Variants in EFR3A observed in about 807,000 individuals in gnomAD.
EFR3A encodes EFR3 homolog A.
EFR3A carries 76 observed loss-of-function variants against 104.4 expected under a neutral mutation model. That is an observed-to-expected ratio of 0.73 (90% confidence interval 0.60 to 0.88). EFR3A has a LOEUF of 0.88. EFR3A is among the 40% of genes least tolerant of loss of function. EFR3A has a pLI of 0.00. For missense variants in EFR3A, 985 were observed against 1,012.5 expected, an observed-to-expected ratio of 0.97 and a Z score of 0.37; for synonymous variants, 330 against 330.0, an observed-to-expected ratio of 1.00 and a Z score of 0.00.
rs142575698 is a variant in EFR3A at position 131,923,153 on chromosome 8, A to C, written c.11-17346A>C. ...AAAGGTAGAGATTATGCATAGGTTC[A>C]CCTCCAAGACCGGCCTGTCAATGAA... On this transcript the variant is annotated intron_variant, in intron 1 of 22. Coordinates refer to ENST00000254624, the MANE Select transcript of EFR3A (RefSeq NM_015137.6). 4.0e-3 allele frequency among the ~76,000 whole-genome samples: 604 copies of C among 152,154 alleles called. 4 individuals carry two copies. Among genetic ancestry groups the C allele is most frequent in the African/African-American group, 0.014 (582 of 41,540 alleles).
chr8:131,997,926 T>C (rs1821579952), intron 19 of EFR3A, among the ~76,000 whole-genome samples: 1 of 152,072 alleles, frequency 6.6e-6, no homozygotes, highest in Non-Finnish European at 1.5e-5. Context: ...GCATAAAGAC[T>C]CAATGTAGGG....
intron 11 of EFR3A, 47 bp from the exon 12 acceptor site, chr8:131,976,994 A>T (rs759856961): frequency 1.6e-4 from 207 of 1,283,560 alleles, no homozygotes; most frequent in South Asian, 2.3e-4. Context: ...AAATGAAGTA[A>T]TATAAATGCT....
intron 1 of EFR3A, among the ~76,000 whole-genome samples, chr8:131,907,708 C>A (rs922381132): frequency 5.9e-5 from 9 of 152,216 alleles, no homozygotes; most frequent in African/African-American, 1.9e-4. Context: ...CAAACTTGAC[C>A]TACACTTTCA....
At chr8:131,937,354 C>T (rs529905404) in intron 1 of EFR3A, among the ~76,000 whole-genome samples, 1 of 152,112 alleles carries the variant, frequency 6.6e-6, no homozygotes, top group Non-Finnish European at 1.5e-5. Context: ...TTCCTGTTCA[C>T]TGACTAAGGC....
chr8:131,971,544 C>T (rs4736526), intron 10 of EFR3A, among the ~76,000 whole-genome samples: 64,426 of 151,782 alleles, frequency 0.42, 14,015 homozygotes, highest in Middle Eastern at 0.56. Flanking sequence ...AAAAATTAGC[C>T]GGGCGAGGTG....
intron 18 of EFR3A, among the ~76,000 whole-genome samples, chr8:131,989,294 A>G (rs1821045103): frequency 6.6e-6 from 1 of 152,214 alleles, no homozygotes; most frequent in Non-Finnish European, 1.5e-5. Context: ...AAAAAATTCA[A>G]GGGATTTAAG....
At chr8:132,005,427 A>G (rs1032004391) in intron 22 of EFR3A, among the ~76,000 whole-genome samples, 1 of 145,590 alleles carries the variant, frequency 6.9e-6, no homozygotes, top group East Asian at 2.0e-4. Flanking sequence ...GAGTATGGTT[A>G]AAAAAAAAAA....
intron 2 of EFR3A, among the ~76,000 whole-genome samples, chr8:131,941,729 G>A (rs1032672574): frequency 4.6e-5 from 7 of 152,068 alleles, no homozygotes; most frequent in East Asian, 1.9e-4. Context: ...GGGAACCTCC[G>A]GGAAGCATTC....
At chr8:131,993,030 T>C (rs1022626618) in intron 18 of EFR3A, among the ~76,000 whole-genome samples, 8 of 152,272 alleles carry the variant, frequency 5.3e-5, no homozygotes, top group African/African-American at 1.9e-4. Flanking sequence ...GGGAAATTTT[T>C]AGTTGTCACA....
chr8:131,996,935 A>G (rs866302383), intron 19 of EFR3A, among the ~76,000 whole-genome samples: 2 of 152,100 alleles, frequency 1.3e-5, no homozygotes, highest in African/African-American at 2.4e-5. Context: ...CTACCTTTGA[A>G]AAGTTTTAAA....
chr8:131,970,689 T>C, intron 10 of EFR3A, 46 bp downstream of exon 10: 5 of 1,551,778 alleles, frequency 3.2e-6, no homozygotes, highest in Non-Finnish European at 3.5e-6. Context: ...AACAGTGATT[T>C]ACAAAGCTCT....
chr8:132,010,503 T>C (rs1822290385), intron 22 of EFR3A, among the ~76,000 whole-genome samples: 1 of 148,244 alleles, frequency 6.7e-6, no homozygotes, highest in African/African-American at 2.5e-5. Flanking sequence ...CATGAAATAA[T>C]TTTTTACTAA....
intron 22 of EFR3A, among the ~76,000 whole-genome samples, chr8:132,007,490 T>TA (rs1387418633): frequency 6.6e-6 from 1 of 151,900 alleles, no homozygotes; most frequent in Admixed American, 6.6e-5. Flanking sequence ...AAAGGAGAGA[T>TA]ATACCATGTT....
chr8:131,992,760 A>G (rs1174280397), intron 18 of EFR3A, among the ~76,000 whole-genome samples: 2 of 152,194 alleles, frequency 1.3e-5, no homozygotes, highest in African/African-American at 4.8e-5. Flanking sequence ...CACAGAGGTT[A>G]GAAAACAGGC....
At chr8:131,964,421 A>G (rs996485684) in intron 8 of EFR3A, among the ~76,000 whole-genome samples, 1 of 151,944 alleles carries the variant, frequency 6.6e-6, no homozygotes, top group Non-Finnish European at 1.5e-5. Flanking sequence ...ATTCTTATAC[A>G]CCAATAACAG....
chr8:131,922,877 T>C (rs1817117595), intron 1 of EFR3A, among the ~76,000 whole-genome samples: 1 of 152,156 alleles, frequency 6.6e-6, no homozygotes, highest in Non-Finnish European at 1.5e-5. Context: ...GTATTTAAAA[T>C]TGTTGAACTT....
intron 18 of EFR3A, among the ~76,000 whole-genome samples, chr8:131,988,985 T>TA (rs1821030441): frequency 6.6e-6 from 1 of 152,188 alleles, no homozygotes; most frequent in Admixed American, 6.6e-5. Flanking sequence ...TCAAAATTTT[T>TA]AACAAATGGT....
At chr8:132,002,799 C>G (rs930799760) in intron 21 of EFR3A, 93 bp downstream of exon 21, 23 of 992,368 alleles carry the variant, frequency 2.3e-5, no homozygotes, top group Non-Finnish European at 3.2e-5. Flanking sequence ...AAGCTTTAGT[C>G]AAATCAACGG....
At chr8:131,958,859 C>G (rs1370999484) in intron 7 of EFR3A, among the ~76,000 whole-genome samples, 1 of 152,120 alleles carries the variant, frequency 6.6e-6, no homozygotes, top group Non-Finnish European at 1.5e-5. Context: ...CGCCCTGTGA[C>G]TATGCTAATA....
Sources: allele counts gnomAD v4.1 joint callset (sites outside exome capture counted in the v4.1 genomes callset), GRCh38; gene constraint gnomAD v4.1.1; transcripts MANE v1.5; gene names NCBI Gene and HGNC (gene_info 2026-07-23, HGNC 2026-07-21).